NOL7: variants seen among roughly 807,000 people sequenced by gnomAD.
The protein encoded by NOL7 is U3 small nucleolar RNA-associated protein NOL7.
NOL7 carries 36 observed loss-of-function variants against 38.4 expected under a neutral mutation model. The ratio of observed to expected loss-of-function variants is 0.94; its 90% CI spans 0.72 to 1.24. The LOEUF (loss-of-function observed/expected upper bound fraction) is 1.24, where lower values mean the gene tolerates loss of function less well. Ranked by LOEUF, NOL7 falls within the 50% of genes most tolerant of loss-of-function variation. NOL7 has a pLI of 0.00. For missense variants in NOL7, 350 were observed against 315.1 expected, an observed-to-expected ratio of 1.11 and a Z score of -0.84; for synonymous variants, 142 against 126.5, an observed-to-expected ratio of 1.12 and a Z score of -0.82.
Position 13,615,671 on chromosome 6 carries a change from G to T in NOL7, c.267-41G>T, listed in dbSNP as rs376739209. On this transcript the variant is annotated intron_variant, in intron 1 of 7. Transcript: ENST00000451315. ...GGGGAGAACCGCCCTTTCTCGTCCCGCTTGTCCTTCCCTTTGCTGACTTAT... is the reference window on the plus strand; with the variant it reads ...GGGGAGAACCGCCCTTTCTCGTCCCTCTTGTCCTTCCCTTTGCTGACTTAT... 8.7e-6 allele frequency: 14 copies of T among 1,613,806 alleles called. No homozygotes were observed. In the African/African-American group the frequency reaches 1.9e-4, roughly 22 times the overall value.
At chr6:13,626,709 T>G (rs956105314), downstream of NOL7, among the ~76,000 whole-genome samples, 2 of 152,216 alleles carry the variant, frequency 1.3e-5, no homozygotes, top group Non-Finnish European at 2.9e-5. Flanking sequence ...TGTCAATTTG[T>G]GAGTTCAGGA....
downstream of NOL7, among the ~76,000 whole-genome samples, chr6:13,623,487 CAAAAA>C (rs559654880): frequency 2.1e-4 from 32 of 152,190 alleles, no homozygotes; most frequent in African/African-American, 5.5e-4. Context: ...GAAGAGAAAA[CAAAAA>C]CAGGATTAAG....
At position 13,631,809 on chromosome 6, in the gene NOL7, T is replaced by C. The variant is rs535849106; in HGVS notation, n.574-584T>C. Among the ~76,000 whole-genome samples the C allele has an allele frequency of 3.9e-4, 60 of 152,340 alleles. 3 individuals are homozygous for C. In the South Asian group the frequency reaches 0.012, roughly 30 times the overall value. On this transcript the variant is annotated intron_variant and non_coding_transcript_variant, in intron 8 of 8. Coordinates refer to the NOL7 transcript ENST00000474485. ...ACTGTGGCTACTTTACTGAATTAGA[T>C]TGTATCCATCCTATCAGCTCATGGA...
At chr6:13,626,376 A>G (rs544119792), downstream of NOL7, among the ~76,000 whole-genome samples, 13 of 152,232 alleles carry the variant, frequency 8.5e-5, no homozygotes, top group Non-Finnish European at 1.9e-4. Context: ...TGGGAGGCAC[A>G]TACTAATGGT....
exon 9 of NOL7, chr6:13,632,404 C>T (rs1163574963): frequency 1.9e-6 from 3 of 1,612,902 alleles, no homozygotes; most frequent in African/African-American, 1.3e-5. Context: ...GTTCTTGCCA[C>T]AGTCTCTCCT....
At chr6:13,623,643 C>T (rs558563382), downstream of NOL7, among the ~76,000 whole-genome samples, 4 of 152,062 alleles carry the variant, frequency 2.6e-5, no homozygotes, top group Admixed American at 1.3e-4. Flanking sequence ...AAGCATCTGG[C>T]GATGCATCTT....
intron 8 of NOL7, among the ~76,000 whole-genome samples, chr6:13,631,000 G>A (rs1584910832): frequency 1.3e-5 from 2 of 152,008 alleles, no homozygotes; most frequent in African/African-American, 2.4e-5. Flanking sequence ...TAGTAGAGAC[G>A]GGGTTTCACC....
At chr6:13,630,620 G>A (rs185782887) in intron 8 of NOL7, among the ~76,000 whole-genome samples, 1 of 152,136 alleles carries the variant, frequency 6.6e-6, no homozygotes, top group African/African-American at 2.4e-5. Context: ...CAGGGGATCT[G>A]TGAAGTCAAA....
chr6:13,615,350 G>A lies in NOL7; in HGVS notation c.-9G>A. On this transcript the variant is annotated 5_prime_UTR_variant, in exon 1 of 8. Transcript: ENST00000451315. ...GTCAGAGGTCAGACGGTCTAGCGCTGCGTGGGCCATGGTGCAGCTCCGACC... is the reference window on the plus strand; with the variant it reads ...GTCAGAGGTCAGACGGTCTAGCGCTACGTGGGCCATGGTGCAGCTCCGACC... 1.4e-6 allele frequency: 2 copies of A among 1,477,740 alleles called. No individual in the cohort carries two copies. The highest frequency in any genetic ancestry group is 8.9e-7 in the Non-Finnish European group (1 of 1,119,822). The allele number at this position is 1,477,740 out of a possible 1,614,324, so 91.5% of individuals were successfully genotyped here. A position where few individuals can be genotyped will look rare whatever the true frequency, so the allele number is the denominator to read the frequency against.
downstream of NOL7, among the ~76,000 whole-genome samples, chr6:13,623,854 AAG>A (rs1478670815): frequency 6.6e-6 from 1 of 152,208 alleles, no homozygotes; most frequent in Non-Finnish European, 1.5e-5. Context: ...CACAATATGT[AAG>A]AGTATATGTG....
At chr6:13,625,386 C>T (rs542528343), downstream of NOL7, among the ~76,000 whole-genome samples, 13 of 152,218 alleles carry the variant, frequency 8.5e-5, no homozygotes, top group East Asian at 2.1e-3. Flanking sequence ...TTCGTGGCTA[C>T]CAGAAATGCT....
chr6:13,630,952 G>C (rs554259776), intron 8 of NOL7, among the ~76,000 whole-genome samples: 1 of 151,924 alleles, frequency 6.6e-6, no homozygotes, highest in African/African-American at 2.4e-5. Context: ...TGGGACTACC[G>C]GCGCCCGCCA....
Position 13,620,745 on chromosome 6 carries a change from A to G in NOL7, c.701-9A>G. On this transcript the variant is annotated splice_polypyrimidine_tract_variant and intron_variant, in intron 7 of 7. Transcript: ENST00000451315. ...TAATATACTTACTGCAGAAAACTTT[A>G]TATTCTAGGAATCCAAAAAAAACAA... 6.4e-7 allele frequency: 1 copy of G among 1,568,262 alleles called. No homozygotes were observed. The highest frequency in any genetic ancestry group is 1.2e-5 in the South Asian group (1 of 85,626).
chr6:13,629,883 T>A (rs1421906768), intron 8 of NOL7, among the ~76,000 whole-genome samples: 1 of 148,430 alleles, frequency 6.7e-6, no homozygotes, highest in Non-Finnish European at 1.5e-5. Context: ...AATCTCTCTC[T>A]CTCATGTCTC....
chr6:13,625,373 A>ACATTCGTGGCTAC (rs932011244), downstream of NOL7, among the ~76,000 whole-genome samples: 1 of 152,152 alleles, frequency 6.6e-6, no homozygotes, highest in Non-Finnish European at 1.5e-5. Flanking sequence ...AGAGAAGTAG[A>ACATTCGTGGCTAC]CATTCGTGGC....
At chr6:13,617,978 A>G in intron 4 of NOL7, 80 bp from the exon 5 acceptor site, 5 of 975,030 alleles carry the variant, frequency 5.1e-6, no homozygotes, top group Non-Finnish European at 4.9e-6. Flanking sequence ...TGTGTAGTGG[A>G]TGCTTAAAGT....
At chr6:13,617,402 C>G (rs183339967) in intron 3 of NOL7, among the ~76,000 whole-genome samples, 2 of 152,228 alleles carry the variant, frequency 1.3e-5, no homozygotes, top group African/African-American at 4.8e-5. Context: ...TTAAATTAAT[C>G]CTTTGTGATT....
intron 2 of NOL7, 117 bp from the exon 3 acceptor site, chr6:13,616,346 C>G: frequency 1.5e-6 from 1 of 652,334 alleles, no homozygotes; most frequent in Non-Finnish European, 2.6e-6. Context: ...AGTTTCCAGC[C>G]TAATTCATTT....
At chr6:13,618,229 T>C (rs1764338696) in intron 5 of NOL7, 90 bp downstream of exon 5, 1 of 459,268 alleles carries the variant, frequency 2.2e-6, no homozygotes, top group East Asian at 3.9e-5. Flanking sequence ...TTTATTTTAT[T>C]TTATTTTATT....
Sources: gnomAD v4.1 joint callset for allele counts (sites outside exome capture counted in the v4.1 genomes callset) on GRCh38, gnomAD v4.1.1 for gene constraint, MANE v1.5 for transcripts, NCBI Gene and HGNC (gene_info 2026-07-23, HGNC 2026-07-21) for gene names.